WNT16: variants seen among roughly 807,000 people sequenced by gnomAD.
WNT16 encodes Wnt family member 16, also known as protein Wnt-16.
In WNT16, 20 loss-of-function variants were observed where a neutral mutation model predicts 35.4. The ratio of observed to expected loss-of-function variants is 0.56; its 90% CI spans 0.40 to 0.82. The LOEUF (loss-of-function observed/expected upper bound fraction) is 0.82. Ranked by LOEUF, WNT16 falls within the 40% of genes least tolerant of loss-of-function variation. WNT16 has a pLI of 0.00. For synonymous variants in WNT16, 180 were observed against 179.2 expected, an observed-to-expected ratio of 1.00 and a Z score of -0.03; for missense variants, 461 against 466.0, an observed-to-expected ratio of 0.99 and a Z score of 0.10.
rs1793437971 is a variant in WNT16, at chr7:121,335,885, C to T, written c.634-2996C>T. On this transcript the variant is annotated intron_variant, in intron 3 of 3. Coordinates refer to ENST00000222462, the MANE Select transcript of WNT16 (RefSeq NM_057168.2). ...TCATAAGTACCTGCTTATTAACTAG[C>T]TATTATGTGCAACAAATATCTTCCT... 2.0e-5 allele frequency among the ~76,000 whole-genome samples: 3 copies of T among 151,832 alleles called. No individual in the cohort carries two copies. In the South Asian group the frequency reaches 6.2e-4, roughly 31 times the overall value.
rs1562878545 is a variant in WNT16 at position 121,340,925 on chromosome 7, AAAGAG to A, written c.*1583_*1587del. ...TAGATTTTTAAAATTCAGAATGGAC[AAAGAG>A]AATATTCATTTTCTTATTAATAAGA... On this transcript the variant is annotated 3_prime_UTR_variant, in exon 4 of 4. Transcript: ENST00000222462. 6.6e-6 allele frequency: 1 copy of A among 152,134 alleles called. No individual in the cohort carries two copies. The highest frequency in any genetic ancestry group is 2.4e-5 in the African/African-American group (1 of 41,452). 9.4% of individuals were successfully genotyped at this position (152,134 alleles called of 1,614,324 possible). A position where few individuals can be genotyped will look rare whatever the true frequency, so the allele number is the denominator to read the frequency against.
At position 121,338,934 on chromosome 7, in the gene WNT16, C is replaced by A. The variant is rs765650064; in HGVS notation, c.687C>A (p.Ser229=). ...VDCRCHGVSG[S]CAVKTCWKTM... The stretch of plus-strand genomic sequence containing the variant: ...GCCGCTGCCACGGAGTTTCCGGCTC[C>A]TGTGCTGTGAAAACATGCTGGAAAA... Residue 229 remains serine (S), a synonymous_variant, in exon 4 of 4, where the codon TCC becomes TCA. Transcript: ENST00000222462. 8.1e-6 allele frequency: 13 copies of A among 1,613,988 alleles called. No individual in the cohort carries two copies. The East Asian group carries it at 2.9e-4, about 36-fold the overall frequency.
Position 121,338,912 on chromosome 7 carries a change from G to C in WNT16, c.665G>C (p.Arg222Pro). 1 of 1,613,790 alleles carries C rather than the reference G, an allele frequency of 6.2e-7. No homozygotes were observed. Among genetic ancestry groups the C allele is most frequent in the South Asian group, 1.1e-5 (1 of 91,066 alleles). ...GCCAAGTTGATGTCAGTAGACTGCC[G>C]CTGCCACGGAGTTTCCGGCTCCTGT... The part of the protein sequence containing the change: ...AVAKLMSVDC[R>P]CHGVSGSCAV... Residue 222 changes from arginine (R) to proline (P), a missense_variant, in exon 4 of 4, where the codon CGC becomes CCC. By Grantham distance (103) the Arg-to-Pro change is moderately radical. Coordinates refer to ENST00000222462, the MANE Select transcript of WNT16 (RefSeq NM_057168.2).
chr7:121,330,178 G>T (rs879453273), intron 2 of WNT16, among the ~76,000 whole-genome samples: 1 of 152,208 alleles, frequency 6.6e-6, no homozygotes, highest in African/African-American at 2.4e-5. Context: ...TGTCGGCAGC[G>T]GGGAATGCGG....
rs1044473720 is a variant in WNT16 at position 121,338,562 on chromosome 7, G to A, written c.634-319G>A. Among the ~76,000 whole-genome samples, 3 of 152,208 alleles carry A rather than the reference G, an allele frequency of 2.0e-5. No individual in the cohort carries two copies. In the Middle Eastern group the frequency reaches 0.01, roughly 518 times the overall value. On this transcript the variant is annotated intron_variant, in intron 3 of 3. Transcript: ENST00000222462. ...ATCCTACCACATTCAAAATTAGACC[G>A]GGGATTAGAAATAGAAGTAATTTCC... is the stretch of plus-strand genomic sequence containing the variant.
rs934853239 is a variant in WNT16, at chr7:121,331,796, C to T, written c.465C>T (p.Asn155=). 2 of 1,614,098 alleles carry T rather than the reference C, an allele frequency of 1.2e-6. No individual in the cohort carries two copies. The highest frequency in any genetic ancestry group is 2.7e-5 in the African/African-American group (2 of 74,930). The change falls in exon 3 of 4, where the codon AAC becomes AAT. Residue 155 remains asparagine, a synonymous_variant. Transcript: ENST00000222462. Reference sequence around the variant, plus strand: ...GTTCCTGTGACACCACCTTGCAGAACGGCGGCTCAGCAAGTGAAGGCTGGC... The same window carrying T: ...GTTCCTGTGACACCACCTTGCAGAATGGCGGCTCAGCAAGTGAAGGCTGGC... ...TECSCDTTLQ[N]GGSASEGWHW...
intron 3 of WNT16, 63 bp downstream of exon 3, chr7:121,332,027 C>T: frequency 1.9e-6 from 3 of 1,570,760 alleles, no homozygotes; most frequent in Non-Finnish European, 2.6e-6. Flanking sequence ...TAGGATTACA[C>T]ATCTGCATGA....
Position 121,339,049 on chromosome 7 carries a change from C to T in WNT16, c.802C>T (p.Arg268Cys), listed in dbSNP as rs763281050. Residue 268 changes from arginine (R) to cysteine (C), a missense_variant, in exon 4 of 4, where the codon CGC becomes TGC. Coordinates refer to ENST00000222462, the MANE Select transcript of WNT16 (RefSeq NM_057168.2). ...QISDKTKRKM[R>C]RREKDQRKIP... Reference sequence around the variant, plus strand: ...ATCAGACAAAACAAAGAGGAAAATGCGCAGGAGAGAAAAAGATCAGAGGAA... The same window carrying T: ...ATCAGACAAAACAAAGAGGAAAATGTGCAGGAGAGAAAAAGATCAGAGGAA... 10 of 1,613,910 alleles carry T rather than the reference C, an allele frequency of 6.2e-6. No homozygotes were observed. The highest frequency in any genetic ancestry group is 4.5e-5 in the East Asian group (2 of 44,892).
intron 2 of WNT16, among the ~76,000 whole-genome samples, 153 bp downstream of exon 2, chr7:121,329,970 G>A (rs771051082): frequency 6.6e-6 from 1 of 152,352 alleles, no homozygotes; most frequent in Non-Finnish European, 1.5e-5. Flanking sequence ...AGCTACAAAG[G>A]CCAGACCTGG....
chr7:121,329,047 T>A lies in WNT16; in HGVS notation c.-246T>A, dbSNP rs1386898215. 2.4e-6 allele frequency: 3 copies of A among 1,251,052 alleles called. No individual in the cohort carries two copies. Among genetic ancestry groups the A allele is most frequent in the Non-Finnish European group, 1.0e-6 (1 of 997,544 alleles). The allele number at this position is 1,251,052 out of a possible 1,614,324, so 77.5% of individuals were successfully genotyped here. A position where few individuals can be genotyped will look rare whatever the true frequency, so the allele number is the denominator to read the frequency against. On this transcript the variant is annotated 5_prime_UTR_variant, in exon 1 of 4. Transcript: ENST00000222462. The stretch of plus-strand genomic sequence containing the variant: ...ATGCGAGGGGCGCTCCCGCATCTCC[T>A]GCACATCTCCACCCCTGCGCAGGAG...
Position 121,329,120 on chromosome 7 carries a change from C to CGAGGGGGAAGCTGCTGA in WNT16, c.-169_-153dup. On this transcript the variant is annotated 5_prime_UTR_variant, in exon 1 of 4. The change abolishes the stop of an existing upstream ORF in the 5' untranslated region. Coordinates refer to ENST00000222462, the MANE Select transcript of WNT16 (RefSeq NM_057168.2). The stretch of plus-strand genomic sequence containing the variant: ...CATCTCTCCTACAGCTCCCTGCAAA[C>CGAGGGGGAAGCTGCTGA]GAGGGGGAAGCTGCTGAGAGTCCCT... 1 of 1,377,102 alleles carries CGAGGGGGAAGCTGCTGA rather than the reference C, an allele frequency of 7.3e-7. No individual in the cohort carries two copies. The highest frequency in any genetic ancestry group is 9.4e-7 in the Non-Finnish European group (1 of 1,067,448). The allele number at this position is 1,377,102 out of a possible 1,614,324, so 85.3% of individuals were successfully genotyped here.
chr7:121,327,949 C>T (rs2116829368), upstream of WNT16, among the ~76,000 whole-genome samples: 1 of 152,274 alleles, frequency 6.6e-6, no homozygotes, highest in Middle Eastern at 3.4e-3. Context: ...CAGGGAGTAC[C>T]CTGCTAGATT....
chr7:121,340,899 A>G lies in WNT16; in HGVS notation c.*1554A>G, dbSNP rs1489742943. 2.6e-5 allele frequency: 4 copies of G among 152,118 alleles called. No homozygotes were observed. The highest frequency in any genetic ancestry group is 9.7e-5 in the African/African-American group (4 of 41,448). The allele number at this position is 152,118 out of a possible 1,614,324, so 9.4% of individuals were successfully genotyped here. A position where few individuals can be genotyped will look rare whatever the true frequency, so the allele number is the denominator to read the frequency against. ...ATATTTCAGTATTATATAGAAAAAA[A>G]TAGATTTTTAAAATTCAGAATGGAC... On this transcript the variant is annotated 3_prime_UTR_variant, in exon 4 of 4. Coordinates refer to ENST00000222462, the MANE Select transcript of WNT16 (RefSeq NM_057168.2).
Position 121,331,800 on chromosome 7 carries a change from G to A in WNT16, c.469G>A (p.Gly157Ser). The change falls in exon 3 of 4, where the codon GGC (glycine) becomes AGC (serine). Residue 157 changes from glycine to serine, a missense_variant. Physicochemically the swap from Gly to Ser is moderately conservative, Grantham distance 56. Transcript: ENST00000222462. ...CTGTGACACCACCTTGCAGAACGGC[G>A]GCTCAGCAAGTGAAGGCTGGCACTG... is the stretch of plus-strand genomic sequence containing the variant. ...CSCDTTLQNG[G>S]SASEGWHWGG... 1 of 1,614,182 alleles carries A rather than the reference G, an allele frequency of 6.2e-7. No individual in the cohort carries two copies. Among genetic ancestry groups the A allele is most frequent in the Non-Finnish European group, 8.5e-7 (1 of 1,180,038 alleles).
At position 121,329,656 on chromosome 7, in the gene WNT16, G is replaced by T. The variant is rs1793305437; in HGVS notation, c.185G>T (p.Arg62Met). The change falls in exon 2 of 4, where the codon AGG becomes ATG. Residue 62 changes from arginine (R) to methionine (M), a missense_variant. Physicochemically the swap from Arg to Met is moderately conservative, Grantham distance 91. Transcript: ENST00000222462. ...LNSRQKELCK[R>M]KPYLLPSIRE... Reference sequence around the variant, plus strand: ...AGCCGCCAGAAGGAGCTGTGCAAGAGGAAACCGTACCTGCTGCCGAGCATC... The same window carrying T: ...AGCCGCCAGAAGGAGCTGTGCAAGATGAAACCGTACCTGCTGCCGAGCATC... 1 of 1,614,074 alleles carries T rather than the reference G, an allele frequency of 6.2e-7. No individual in the cohort carries two copies. The highest frequency in any genetic ancestry group is 8.5e-7 in the Non-Finnish European group (1 of 1,180,016).
At chr7:121,333,625 A>G (rs1310791407) in intron 3 of WNT16, among the ~76,000 whole-genome samples, 2 of 152,034 alleles carry the variant, frequency 1.3e-5, no homozygotes, top group Non-Finnish European at 2.9e-5. Flanking sequence ...TATTTCTAGC[A>G]TATTAATTTT....
chr7:121,332,464 C>G (rs908198372), intron 3 of WNT16, among the ~76,000 whole-genome samples: 1 of 152,158 alleles, frequency 6.6e-6, no homozygotes, highest in African/African-American at 2.4e-5. Flanking sequence ...GTTCTACCCG[C>G]TTAGTCGTGG....
rs750723295 is a variant in WNT16, at chr7:121,331,891, T to G, written c.560T>G (p.Ile187Ser). Residue 187 changes from isoleucine to serine, a missense_variant, in exon 3 of 4, where the codon ATC (isoleucine) becomes AGC (serine). Ile to Ser is a moderately radical substitution (Grantham distance 142). Transcript: ENST00000222462. ...AGCAGAAAGTTCCTAGATTTCCCCATCGGAAACACCACGGGCAAAGAAAAC... is the reference window on the plus strand; with the variant it reads ...AGCAGAAAGTTCCTAGATTTCCCCAGCGGAAACACCACGGGCAAAGAAAAC... ...WFSRKFLDFPIGNTTGKENKV... is the reference protein window; with the variant it reads ...WFSRKFLDFPSGNTTGKENKV... 4.3e-6 allele frequency: 7 copies of G among 1,614,002 alleles called. No homozygotes were observed. The highest frequency in any genetic ancestry group is 3.3e-5 in the South Asian group (3 of 91,076).
intron 2 of WNT16, 57 bp downstream of exon 2, chr7:121,329,874 G>C: frequency 1.3e-6 from 2 of 1,576,946 alleles, no homozygotes; most frequent in Non-Finnish European, 1.7e-6. Flanking sequence ...CTCCTCCACC[G>C]GTTCCTGCAA....
Sources: allele counts gnomAD v4.1 joint callset (sites outside exome capture counted in the v4.1 genomes callset), GRCh38; gene constraint gnomAD v4.1.1; transcripts MANE v1.5; gene names NCBI Gene and HGNC (gene_info 2026-07-23, HGNC 2026-07-21).